DDAH1: variants seen among roughly 807,000 people sequenced by gnomAD.
The protein encoded by DDAH1 is dimethylarginine dimethylaminohydrolase 1, also known as N(G),N(G)-dimethylarginine dimethylaminohydrolase 1.
In DDAH1, 19 loss-of-function variants were observed where a neutral mutation model predicts 28.8. The ratio of observed to expected loss-of-function variants is 0.66; its 90% confidence interval spans 0.46 to 0.97. The LOEUF (loss-of-function observed/expected upper bound fraction) is 0.97. Among genes scored for constraint, DDAH1 ranks in the 50% least tolerant of loss-of-function variants. The probability of loss-of-function intolerance (pLI) is 0.00; values close to 1 mark genes in which losing one functional copy is unlikely to be tolerated. For missense variants in DDAH1, 326 were observed against 375.9 expected (o/e 0.87, Z 1.10); for synonymous variants, 153 against 154.4 (o/e 0.99, Z 0.07).
rs529747453 is a variant in DDAH1, at chr1:85,347,558, T to A, written c.597+2857A>T. 7.6e-4 allele frequency among the ~76,000 whole-genome samples: 115 copies of A among 152,016 alleles called. 1 individual carries two copies. Among genetic ancestry groups the A allele is most frequent in the Admixed American group, 2.9e-3 (45 of 15,268 alleles). ...GCATGTTCTCACTCACAGGTGGGAATTGAACAATGAGAACACTTGGACACA... is the reference window on the plus strand; with the variant it reads ...GCATGTTCTCACTCACAGGTGGGAAATGAACAATGAGAACACTTGGACACA... On this transcript the variant is annotated intron_variant, in intron 4 of 5. Transcript: ENST00000284031.
intron 1 of DDAH1, among the ~76,000 whole-genome samples, chr1:85,363,223 C>A (rs1417495136): frequency 6.6e-6 from 1 of 152,154 alleles, no homozygotes; most frequent in Non-Finnish European, 1.5e-5. Flanking sequence ...TGAGCTATGG[C>A]TCCTTAAAGA....
intron 1 of DDAH1, among the ~76,000 whole-genome samples, chr1:85,402,443 T>G (rs765501569): frequency 2.0e-5 from 3 of 152,162 alleles, no homozygotes; most frequent in Non-Finnish European, 4.4e-5. Context: ...GACAAAATAT[T>G]TTCAAAAATA....
chr1:85,545,835 C>T (rs1658606105), intron 1 of DDAH1, among the ~76,000 whole-genome samples: 1 of 152,106 alleles, frequency 6.6e-6, no homozygotes, highest in Non-Finnish European at 1.5e-5. Context: ...GTATTGCCTA[C>T]TTCTTTCCTT....
intron 1 of DDAH1, chr1:85,576,020 C>T (rs1191283179): frequency 6.6e-6 from 1 of 151,272 alleles, no homozygotes; most frequent in African/African-American, 2.4e-5. Context: ...ATGTAACAAA[C>T]CTGCACGTTG....
At chr1:85,531,345 G>A (rs1658084977) in intron 1 of DDAH1, among the ~76,000 whole-genome samples, 1 of 152,010 alleles carries the variant, frequency 6.6e-6, no homozygotes, top group South Asian at 2.1e-4. Context: ...TGTAAAAAGG[G>A]TAGAATCTCA....
chr1:85,442,537 T>C (rs1654246316), intron 1 of DDAH1, among the ~76,000 whole-genome samples: 2 of 152,242 alleles, frequency 1.3e-5, no homozygotes, highest in African/African-American at 2.4e-5. Flanking sequence ...CCTTTGGGTA[T>C]ATACCCAGTA....
chr1:85,419,540 T>TAAAAAA (rs141947699), intron 1 of DDAH1, among the ~76,000 whole-genome samples: 1,883 of 81,324 alleles, frequency 0.023, 91 homozygotes, highest in East Asian at 0.085. Context: ...AACTCCATCT[T>TAAAAAA]AAAAAAAAAA....
At chr1:85,412,956 G>A (rs1016496219) in intron 1 of DDAH1, among the ~76,000 whole-genome samples, 4 of 152,136 alleles carry the variant, frequency 2.6e-5, no homozygotes, top group African/African-American at 4.8e-5. Context: ...AGCTGTGATG[G>A]TGCCACTGTA....
chr1:85,506,287 A>G (rs1280390867), intron 1 of DDAH1, among the ~76,000 whole-genome samples: 1 of 152,204 alleles, frequency 6.6e-6, no homozygotes, highest in East Asian at 1.9e-4. Flanking sequence ...GAAGAATGAC[A>G]AAGAGGTCAG....
intron 1 of DDAH1, among the ~76,000 whole-genome samples, chr1:85,428,662 C>T (rs1653527125): frequency 6.6e-6 from 1 of 152,128 alleles, no homozygotes; most frequent in Non-Finnish European, 1.5e-5. Flanking sequence ...TCTTGTTCCT[C>T]ATCAACTTCC....
chr1:85,513,517 A>C (rs1159750659), intron 1 of DDAH1, among the ~76,000 whole-genome samples: 1 of 152,220 alleles, frequency 6.6e-6, no homozygotes, highest in Non-Finnish European at 1.5e-5. Context: ...TAATTAAACT[A>C]AAGAGCTTCT....
At position 85,464,514 on chromosome 1, in the gene DDAH1, C is replaced by G; in HGVS notation, c.303+229G>C. On this transcript the variant is annotated intron_variant, in intron 1 of 5. Coordinates refer to ENST00000284031, the MANE Select transcript of DDAH1 (RefSeq NM_012137.4). The surrounding 1 kb of genome is among the most constrained non-coding windows in gnomAD (Gnocchi z 4.4). ...CACCCACCTGCCCGAGACCGTACAA[C>G]CACATTGAATCGGATCCTCCAGAAG... 6.6e-7 allele frequency: 1 copy of G among 1,526,352 alleles called. No homozygotes were observed. 94.6% of individuals were successfully genotyped at this position (1,526,352 alleles called of 1,614,324 possible). A position where few individuals can be genotyped will look rare whatever the true frequency, so the allele number is the denominator to read the frequency against.
chr1:85,480,730 C>G (rs1232886264), intron 2 of DDAH1, among the ~76,000 whole-genome samples: 2 of 151,754 alleles, frequency 1.3e-5, no homozygotes, highest in Non-Finnish European at 2.9e-5. Context: ...GGCGATAGAG[C>G]AAGACTCTGT....
At chr1:85,388,273 A>T (rs1651377355) in intron 1 of DDAH1, among the ~76,000 whole-genome samples, 1 of 152,254 alleles carries the variant, frequency 6.6e-6, no homozygotes, top group Non-Finnish European at 1.5e-5. Context: ...ACATATAAAC[A>T]GCCTTAATGA....
chr1:85,333,455 A>G (rs1363272879), intron 4 of DDAH1, among the ~76,000 whole-genome samples: 1 of 152,212 alleles, frequency 6.6e-6, no homozygotes, highest in African/African-American at 2.4e-5. Context: ...AAGGAACATA[A>G]TAATTCTCCA....
chr1:85,464,392 G>A lies in DDAH1; in HGVS notation c.303+351C>T, dbSNP rs1655256346. The A allele has an allele frequency of 1.8e-6, 2 of 1,110,522 alleles. No individual in the cohort carries two copies. The highest frequency in any genetic ancestry group is 2.5e-6 in the Non-Finnish European group (2 of 813,176). 68.8% of individuals were successfully genotyped at this position (1,110,522 alleles called of 1,614,324 possible). Reference sequence around the variant, plus strand: ...CCGCCCTACCGGAGCGGCACCCCTCGCGGCCCTCGCTCCCTGGGAAACACT... The same window carrying A: ...CCGCCCTACCGGAGCGGCACCCCTCACGGCCCTCGCTCCCTGGGAAACACT... On this transcript the variant is annotated intron_variant, in intron 1 of 5. Transcript: ENST00000284031. This position sits in a 1 kb window ranked among gnomAD's most constrained non-coding sequence, Gnocchi z 4.4.
In DDAH1 at chr1:85,318,664, A is replaced by G. The variant is rs991726446; in HGVS notation, c.*2788T>C. 4 of 152,668 alleles carry G rather than the reference A, an allele frequency of 2.6e-5. No individual in the cohort carries two copies. The highest frequency in any genetic ancestry group is 5.9e-5 in the Non-Finnish European group (4 of 68,050). 9.5% of individuals were successfully genotyped at this position (152,668 alleles called of 1,614,324 possible). A position where few individuals can be genotyped will look rare whatever the true frequency, so the allele number is the denominator to read the frequency against. ...GCTGGAATGAGGTGGTCAGGAAAAT[A>G]AAATGCACAAATCTAACACCATGTT... On this transcript the variant is annotated 3_prime_UTR_variant, in exon 6 of 6. Coordinates refer to ENST00000284031, the MANE Select transcript of DDAH1 (RefSeq NM_012137.4).
chr1:85,459,527 A>C (rs770425912), intron 1 of DDAH1, among the ~76,000 whole-genome samples: 20 of 152,220 alleles, frequency 1.3e-4, no homozygotes, highest in Non-Finnish European at 2.9e-4. Context: ...AATCCTGAAA[A>C]GGAGCAGTTG....
upstream of DDAH1, among the ~76,000 whole-genome samples, chr1:85,466,497 C>T (rs536992165): frequency 6.6e-6 from 1 of 152,352 alleles, no homozygotes; most frequent in African/African-American, 2.4e-5. Flanking sequence ...GATCCACCCG[C>T]CTCCACCTCC....
Sources: allele counts gnomAD v4.1 joint callset (sites outside exome capture counted in the v4.1 genomes callset), GRCh38; gene constraint gnomAD v4.1.1; non-coding constraint Gnocchi (gnomAD v3.1); transcripts MANE v1.5; gene names NCBI Gene and HGNC (gene_info 2026-07-23, HGNC 2026-07-21).